IQCM: variants seen among roughly 807,000 people sequenced by gnomAD.
The protein encoded by IQCM is IQ domain-containing protein M.
A neutral mutation model predicts 57.6 loss-of-function variants in IQCM; 45 were observed. The ratio of observed to expected loss-of-function variants is 0.78; its 90% CI spans 0.62 to 1.00. IQCM has a LOEUF of 1.00. IQCM is among the 50% of genes least tolerant of loss of function. The pLI is 0.00. For synonymous variants in IQCM, 148 were observed against 158.9 expected (o/e 0.93, Z 0.51); for missense variants, 468 against 511.6 (o/e 0.91, Z 0.82).
intron 2 of IQCM, among the ~76,000 whole-genome samples, chr4:149,772,457 T>A (rs959515671): frequency 2.0e-5 from 3 of 152,096 alleles, no homozygotes; most frequent in African/African-American, 7.2e-5. Flanking sequence ...TGATGAATGG[T>A]TATGGATAAT....
At position 149,563,905 on chromosome 4, in the gene IQCM, A is replaced by G. The variant is rs1012567865; in HGVS notation, c.750-15T>C. The G allele has an allele frequency of 1.7e-6, 2 of 1,160,828 alleles. No homozygotes were observed. The highest frequency in any genetic ancestry group is 2.2e-6 in the Non-Finnish European group (2 of 923,350). 71.9% of individuals were successfully genotyped at this position (1,160,828 alleles called of 1,614,324 possible). A position where few individuals can be genotyped will look rare whatever the true frequency, so the allele number is the denominator to read the frequency against. ...TACCTTTTATCCTAAAAATAAAACA[A>G]ATTTCTTATTATACATAATATGAAA... On this transcript the variant is annotated splice_polypyrimidine_tract_variant and intron_variant, in intron 9 of 13. Coordinates refer to ENST00000636793, the MANE Select transcript of IQCM (RefSeq NM_001363507.2).
intron 5 of IQCM, among the ~76,000 whole-genome samples, chr4:149,727,453 A>C (rs1449202067): frequency 2.6e-5 from 4 of 152,196 alleles, no homozygotes; most frequent in Non-Finnish European, 5.9e-5. Context: ...TCTGCCATCA[A>C]AATATTTTTA....
intron 8 of IQCM, among the ~76,000 whole-genome samples, chr4:149,611,132 A>C (rs1755245541): frequency 6.6e-6 from 1 of 152,158 alleles, no homozygotes; most frequent in Admixed American, 6.6e-5. Flanking sequence ...TTATCAGAGA[A>C]ATACAAATCA....
intron 6 of IQCM, among the ~76,000 whole-genome samples, chr4:149,682,948 C>A (rs1219597523): frequency 6.6e-6 from 1 of 150,972 alleles, no homozygotes; most frequent in Non-Finnish European, 1.5e-5. Context: ...TGATTCCATT[C>A]GACATGATTA....
chr4:149,423,742 T>C (rs1006993343), intron 13 of IQCM, among the ~76,000 whole-genome samples: 9 of 151,998 alleles, frequency 5.9e-5, no homozygotes, highest in Admixed American at 2.0e-4. Context: ...AGATGTTTTA[T>C]TTACCTTTGA....
intron 13 of IQCM, among the ~76,000 whole-genome samples, chr4:149,394,941 ATCAC>A: frequency 6.6e-6 from 1 of 152,056 alleles, no homozygotes; most frequent in Non-Finnish European, 1.5e-5. Context: ...ATGAGGTCAT[ATCAC>A]TCACTCCAGA....
intron 7 of IQCM, among the ~76,000 whole-genome samples, chr4:149,635,968 A>G (rs1757681752): frequency 6.6e-6 from 1 of 152,208 alleles, no homozygotes; most frequent in East Asian, 1.9e-4. Flanking sequence ...CAAATGCATT[A>G]CACCAACTTT....
intron 12 of IQCM, among the ~76,000 whole-genome samples, chr4:149,533,866 T>C (rs1483953268): frequency 6.6e-6 from 1 of 152,068 alleles, no homozygotes. Flanking sequence ...ACACTATTGT[T>C]AAATAGCAAG....
chr4:149,640,920 A>G (rs993869016), intron 7 of IQCM, among the ~76,000 whole-genome samples: 2 of 152,192 alleles, frequency 1.3e-5, no homozygotes, highest in African/African-American at 2.4e-5. Flanking sequence ...ATCTAAGGTC[A>G]GGAGTTCAAG....
chr4:149,724,855 C>T (rs1236813797), intron 5 of IQCM, among the ~76,000 whole-genome samples: 1 of 151,848 alleles, frequency 6.6e-6, no homozygotes, highest in Admixed American at 6.6e-5. Flanking sequence ...ATATATATTA[C>T]AAAAACATTG....
chr4:149,553,319 C>A, intron 10 of IQCM, 32 bp from the exon 11 acceptor site: 1 of 1,226,746 alleles, frequency 8.2e-7, no homozygotes, highest in Non-Finnish European at 1.0e-6. Context: ...TTATATATTT[C>A]TGGTATTTAT....
chr4:149,762,264 T>C (rs1769594112), intron 2 of IQCM, among the ~76,000 whole-genome samples: 1 of 150,476 alleles, frequency 6.6e-6, no homozygotes. Flanking sequence ...GAGGAGGCAG[T>C]ATTATATCTG....
At chr4:149,395,671 G>A (rs1732171311) in intron 13 of IQCM, among the ~76,000 whole-genome samples, 2 of 151,988 alleles carry the variant, frequency 1.3e-5, no homozygotes, top group South Asian at 2.1e-4. Context: ...GTTATTCTAA[G>A]TAGCTCACTT....
intron 10 of IQCM, among the ~76,000 whole-genome samples, chr4:149,561,186 C>A (rs1750084763): frequency 6.6e-6 from 1 of 152,066 alleles, no homozygotes; most frequent in African/African-American, 2.4e-5. Context: ...TTAAAAAGTA[C>A]TTTTTTATCT....
chr4:149,388,501 T>C (rs1578886098), intron 13 of IQCM, among the ~76,000 whole-genome samples: 4 of 143,568 alleles, frequency 2.8e-5, no homozygotes, highest in South Asian at 4.2e-4. Flanking sequence ...TGTCCAAATA[T>C]ATATATATTA....
chr4:149,730,400 C>T (rs1363711252), intron 5 of IQCM, among the ~76,000 whole-genome samples: 5 of 152,164 alleles, frequency 3.3e-5, no homozygotes, highest in African/African-American at 9.7e-5. Context: ...TGCTAAAATG[C>T]AAATATTATC....
intron 5 of IQCM, among the ~76,000 whole-genome samples, chr4:149,726,074 AG>A (rs1765872430): frequency 1.6e-5 from 1 of 61,084 alleles, no homozygotes; most frequent in East Asian, 3.6e-4. Flanking sequence ...TCCCTCTAAA[AG>A]AAAGAAAGAA....
Position 149,475,743 on chromosome 4 carries a change from A to AT in IQCM, c.1229-42187_1229-42186insA, listed in dbSNP as rs1740116462. Among the ~76,000 whole-genome samples, 6 of 152,264 alleles carry AT rather than the reference A, an allele frequency of 3.9e-5. No homozygotes were observed. The South Asian group carries it at 1.2e-3, about 32-fold the overall frequency. On this transcript the variant is annotated intron_variant, in intron 12 of 13. Transcript: ENST00000636793. ...TCTTTGAATAACAACAAAATTAAAA[A>AT]AATATATATCAAAGGGAAGGGAACG... is the stretch of plus-strand genomic sequence containing the variant.
chr4:149,790,917 C>T (rs1036952283), intron 2 of IQCM, among the ~76,000 whole-genome samples: 2 of 151,728 alleles, frequency 1.3e-5, no homozygotes, highest in Non-Finnish European at 2.9e-5. Flanking sequence ...CATTGTTTTA[C>T]TGCCCTTGTA....
Sources: gnomAD v4.1 joint callset for allele counts (sites outside exome capture counted in the v4.1 genomes callset) on GRCh38, gnomAD v4.1.1 for gene constraint, MANE v1.5 for transcripts, NCBI Gene and HGNC (gene_info 2026-07-23, HGNC 2026-07-21) for gene names.